CLVS1: variants seen among roughly 807,000 people sequenced by gnomAD.
CLVS1 encodes the protein clavesin 1.
CLVS1 carries 10 observed loss-of-function variants against 33.1 expected under a neutral mutation model. The observed-to-expected ratio is 0.30, with a 90% CI of 0.19 to 0.51. The LOEUF (loss-of-function observed/expected upper bound fraction) is 0.51. Ranked by LOEUF, CLVS1 falls within the 20% of genes least tolerant of loss-of-function variation. CLVS1 has a pLI of 0.97. For synonymous variants in CLVS1, 163 were observed against 166.1 expected (o/e 0.98, Z 0.14); for missense variants, 343 against 433.4 (o/e 0.79, Z 1.85).
rs58145397 is a variant in CLVS1, at chr8:61,461,095, T to G, written c.977+2553T>G. Among the ~76,000 whole-genome samples, 1,178 of 152,334 alleles carry G rather than the reference T, an allele frequency of 7.7e-3. 8 individuals carry two copies. The highest frequency in any genetic ancestry group is 0.027 in the African/African-American group (1,126 of 41,572). ...TGGTGTTGGCTATTGTTTGTGCTGT[T>G]AGTGGTTGGTCCATGAACAAGATAA... is the stretch of plus-strand genomic sequence containing the variant. On this transcript the variant is annotated intron_variant, in intron 5 of 5. Transcript: ENST00000325897.
intron 2 of CLVS1, among the ~76,000 whole-genome samples, chr8:61,242,915 G>A (rs563490335): frequency 1.5e-4 from 22 of 150,354 alleles, no homozygotes; most frequent in African/African-American, 4.1e-4. Context: ...AATAATGGGT[G>A]CATTAAAATC....
chr8:61,499,738 TTTTTTTCCCCCAG>T lies in CLVS1; in HGVS notation c.*198_*210del. ...TTGGACAAAGACTTGAGAGATGCTT[TTTTTTTCCCCCAG>T]TGAGGGGACTGGAGGATGATGCAAG... On this transcript the variant is annotated 3_prime_UTR_variant, in exon 6 of 6. Transcript: ENST00000325897. 2 of 412,178 alleles carry T rather than the reference TTTTTTTCCCCCAG, an allele frequency of 4.9e-6. No individual in the cohort carries two copies. Among genetic ancestry groups the T allele is most frequent in the Non-Finnish European group, 8.8e-6 (2 of 228,360 alleles). The allele number at this position is 412,178 out of a possible 1,614,324, so 25.5% of individuals were successfully genotyped here.
intron 3 of CLVS1, among the ~76,000 whole-genome samples, chr8:61,451,033 G>T (rs1300142991): frequency 6.6e-6 from 1 of 152,136 alleles, no homozygotes; most frequent in Non-Finnish European, 1.5e-5. Flanking sequence ...GATGGAGGAG[G>T]CTGCATCTCT....
chr8:61,062,625 T>C (rs1040614922), intron 1 of CLVS1, among the ~76,000 whole-genome samples: 31 of 152,358 alleles, frequency 2.0e-4, no homozygotes, highest in African/African-American at 7.2e-4. Context: ...AGGAAGTCTA[T>C]GGCAGGATCT....
intron 4 of CLVS1, among the ~76,000 whole-genome samples, chr8:61,454,643 C>A (rs1022333385): frequency 2.6e-5 from 4 of 152,322 alleles, no homozygotes; most frequent in African/African-American, 7.2e-5. Flanking sequence ...TACAATTTTT[C>A]TTCCTCCCAT....
the CLVS1 span, among the ~76,000 whole-genome samples, chr8:61,047,884 T>C: frequency 6.6e-6 from 1 of 152,122 alleles, no homozygotes; most frequent in Non-Finnish European, 1.5e-5. Context: ...ATGGCACATG[T>C]ATACATATGT....
chr8:61,127,840 A>G (rs1007264053), intron 1 of CLVS1, among the ~76,000 whole-genome samples: 1 of 152,230 alleles, frequency 6.6e-6, no homozygotes, highest in African/African-American at 2.4e-5. Context: ...ACCATGTAAG[A>G]CAAATACTAC....
chr8:61,094,426 T>C (rs1805311838), intron 1 of CLVS1, among the ~76,000 whole-genome samples: 1 of 152,182 alleles, frequency 6.6e-6, no homozygotes, highest in South Asian at 2.1e-4. Flanking sequence ...CTTCGTGACA[T>C]TGTATCAGTT....
At chr8:61,246,503 T>C (rs1019382106) in intron 2 of CLVS1, among the ~76,000 whole-genome samples, 1 of 152,130 alleles carries the variant, frequency 6.6e-6, no homozygotes, top group African/African-American at 2.4e-5. Context: ...TGTTATATAT[T>C]TTAGTTCTAC....
chr8:61,092,950 G>A (rs1038957023), intron 1 of CLVS1, among the ~76,000 whole-genome samples: 2 of 152,186 alleles, frequency 1.3e-5, no homozygotes, highest in Admixed American at 1.3e-4. Context: ...GGATAGAGCA[G>A]TGCAAGGACG....
At chr8:61,257,209 G>A (rs931223482) in intron 2 of CLVS1, among the ~76,000 whole-genome samples, 2 of 152,150 alleles carry the variant, frequency 1.3e-5, no homozygotes, top group African/African-American at 4.8e-5. Context: ...CTGTCCCAGT[G>A]CTAATTGAGT....
intron 1 of CLVS1, among the ~76,000 whole-genome samples, chr8:61,106,468 A>G (rs1479658590): frequency 6.6e-6 from 1 of 152,258 alleles, no homozygotes; most frequent in Non-Finnish European, 1.5e-5. Context: ...ATCCTGGAAC[A>G]GGCTTTCATA....
intron 5 of CLVS1, among the ~76,000 whole-genome samples, chr8:61,488,399 T>A (rs538082870): frequency 1.1e-3 from 166 of 152,294 alleles, no homozygotes; most frequent in African/African-American, 3.4e-3. Flanking sequence ...TTTAACGGAA[T>A]TTTTTTGTTG....
intron 5 of CLVS1, among the ~76,000 whole-genome samples, chr8:61,490,454 G>A (rs1384836287): frequency 8.0e-5 from 12 of 150,196 alleles, no homozygotes; most frequent in African/African-American, 2.9e-4. Flanking sequence ...GCATCACCAG[G>A]TCAAGAGATT....
chr8:61,100,737 A>G (rs1805433472), intron 1 of CLVS1, among the ~76,000 whole-genome samples: 1 of 152,150 alleles, frequency 6.6e-6, no homozygotes, highest in Admixed American at 6.5e-5. Context: ...TGCTGTTCCC[A>G]CCTAGCACCC....
intron 2 of CLVS1, among the ~76,000 whole-genome samples, chr8:61,154,056 A>G (rs1012456379): frequency 6.6e-6 from 1 of 152,154 alleles, no homozygotes; most frequent in Non-Finnish European, 1.5e-5. Context: ...TTCCCCACAA[A>G]GAAGAGAGCG....
intron 1 of CLVS1, among the ~76,000 whole-genome samples, chr8:61,106,530 G>A (rs1037916166): frequency 1.5e-4 from 23 of 152,236 alleles, no homozygotes; most frequent in African/African-American, 5.5e-4. Flanking sequence ...GGATTAGAGA[G>A]AGGAAAATGA....
At chr8:61,055,585 C>T (rs1387327898), upstream of CLVS1, among the ~76,000 whole-genome samples, 1 of 152,152 alleles carries the variant, frequency 6.6e-6, no homozygotes, top group Non-Finnish European at 1.5e-5. Context: ...GTTTCCCAAG[C>T]CCTTTCCATA....
intron 5 of CLVS1, among the ~76,000 whole-genome samples, chr8:61,498,460 A>G (rs1804345364): frequency 6.6e-6 from 1 of 152,150 alleles, no homozygotes; most frequent in African/African-American, 2.4e-5. Flanking sequence ...CAATTTAACC[A>G]TTTTCATGAT....
Sources: gnomAD v4.1 joint callset for allele counts (sites outside exome capture counted in the v4.1 genomes callset) on GRCh38, gnomAD v4.1.1 for gene constraint, MANE v1.5 for transcripts, NCBI Gene and HGNC (gene_info 2026-07-23, HGNC 2026-07-21) for gene names.